Variants in LRRC2 observed in about 807,000 individuals in gnomAD.
LRRC2 encodes leucine rich repeat containing 2, also known as leucine-rich repeat-containing protein 2.
In LRRC2, 27 loss-of-function variants were observed where a neutral mutation model predicts 40.2. That is an observed-to-expected ratio of 0.67 (90% CI 0.49 to 0.93). LRRC2 has a LOEUF of 0.93. LRRC2 is among the 40% of genes least tolerant of loss of function. LRRC2 has a pLI of 0.00. For synonymous variants in LRRC2, 147 were observed against 158.9 expected (o/e 0.92, Z 0.56); for missense variants, 402 against 439.6 (o/e 0.91, Z 0.76).
intron 6 of LRRC2, among the ~76,000 whole-genome samples, chr3:46,529,687 A>C (rs1704124791): frequency 6.6e-6 from 1 of 152,236 alleles, no homozygotes; most frequent in Admixed American, 6.5e-5. Context: ...AGGACAATGA[A>C]GAGGTGTTCA....
Position 46,530,058 on chromosome 3 carries a change from T to G in LRRC2, c.628-8A>C. ...TTGCTTCAAATTACTTAACTAGAAA[T>G]GAATAACAAAATGTTCTAATTACTT... On this transcript the variant is annotated splice_region_variant and splice_polypyrimidine_tract_variant and intron_variant, in intron 5 of 8. Transcript: ENST00000395905. 8 of 1,598,524 alleles carry G rather than the reference T, an allele frequency of 5.0e-6. No homozygotes were observed. In the South Asian group the frequency reaches 8.8e-5, roughly 18 times the overall value.
At chr3:46,564,429 T>G (rs940701719) in intron 1 of LRRC2, among the ~76,000 whole-genome samples, 10 of 148,786 alleles carry the variant, frequency 6.7e-5, no homozygotes, top group African/African-American at 7.6e-5. Context: ...GGAGGGGGGG[T>G]TTTCCGGTCA....
chr3:46,549,800 C>G (rs1250893758), intron 2 of LRRC2, among the ~76,000 whole-genome samples: 1 of 152,220 alleles, frequency 6.6e-6, no homozygotes, highest in Non-Finnish European at 1.5e-5. Context: ...CTCCCCTCCC[C>G]ACTGCCAAGG....
chr3:46,526,667 T>C (rs1879328), intron 7 of LRRC2, among the ~76,000 whole-genome samples: 15,696 of 152,318 alleles, frequency 0.1, 1,186 homozygotes, highest in East Asian at 0.35. Flanking sequence ...TGAACTCTGC[T>C]GATAGTAAGC....
rs1272771562 is a variant in LRRC2, at chr3:46,517,449, T to A, written c.*1565A>T. The A allele has an allele frequency of 6.6e-6, 1 of 152,152 alleles. No homozygotes were observed. Among genetic ancestry groups the A allele is most frequent in the Non-Finnish European group, 1.5e-5 (1 of 68,072 alleles). 9.4% of individuals were successfully genotyped at this position (152,152 alleles called of 1,614,324 possible). A position where few individuals can be genotyped will look rare whatever the true frequency, so the allele number is the denominator to read the frequency against. On this transcript the variant is annotated 3_prime_UTR_variant, in exon 9 of 9. Coordinates refer to ENST00000395905, the MANE Select transcript of LRRC2 (RefSeq NM_024512.5). Reference sequence around the variant, plus strand: ...AAGTGATTTTCCCACCTCAGCCTCCTGAGTAGCTGGGACCACAGGCACATG... The same window carrying A: ...AAGTGATTTTCCCACCTCAGCCTCCAGAGTAGCTGGGACCACAGGCACATG...
At chr3:46,559,180 T>C (rs1292514445) in intron 1 of LRRC2, 1 of 152,232 alleles carries the variant, frequency 6.6e-6, no homozygotes, top group Non-Finnish European at 1.5e-5. Context: ...GCAAAGATCT[T>C]AATTAAGGCT....
chr3:46,540,810 C>T (rs922381279), intron 3 of LRRC2, among the ~76,000 whole-genome samples: 1 of 152,210 alleles, frequency 6.6e-6, no homozygotes, highest in Non-Finnish European at 1.5e-5. Flanking sequence ...CCCGACACCT[C>T]TTGATCTGAA....
At chr3:46,556,576 C>CTTTTTT (rs143635012) in intron 1 of LRRC2, among the ~76,000 whole-genome samples, 4 of 104,768 alleles carry the variant, frequency 3.8e-5, no homozygotes, top group Non-Finnish European at 5.6e-5. Flanking sequence ...GTCATTATTT[C>CTTTTTT]TTTTTTTTTT....
intron 1 of LRRC2, among the ~76,000 whole-genome samples, chr3:46,551,877 T>C (rs1019761589): frequency 1.1e-4 from 16 of 150,652 alleles, no homozygotes; most frequent in African/African-American, 3.6e-4. Flanking sequence ...TAGCTCCAAC[T>C]GCAGCCTCAA....
intron 5 of LRRC2, among the ~76,000 whole-genome samples, chr3:46,532,432 C>A (rs1443940273): frequency 6.6e-6 from 1 of 152,072 alleles, no homozygotes; most frequent in Non-Finnish European, 1.5e-5. Flanking sequence ...TAGTGAAACC[C>A]CACCTCTACT....
chr3:46,529,404 C>T (rs1046415567), intron 6 of LRRC2, among the ~76,000 whole-genome samples: 15 of 152,204 alleles, frequency 9.9e-5, no homozygotes, highest in Admixed American at 9.2e-4. Flanking sequence ...AAGCAAGACC[C>T]TGTCTGAACA....
chr3:46,557,057 C>T (rs1233448018), intron 1 of LRRC2, among the ~76,000 whole-genome samples: 2 of 152,192 alleles, frequency 1.3e-5, no homozygotes, highest in Non-Finnish European at 2.9e-5. Flanking sequence ...CAGTGTCAGG[C>T]CTCTGAGCCC....
At position 46,545,222 on chromosome 3, in the gene LRRC2, A is replaced by T; in HGVS notation, c.157T>A (p.Cys53Ser). 1 of 1,614,132 alleles carries T rather than the reference A, an allele frequency of 6.2e-7. No homozygotes were observed. Among genetic ancestry groups the T allele is most frequent in the Admixed American group, 1.7e-5 (1 of 60,018 alleles). ...GCCTGGGGGATGCCCTTCCTCCTGC[A>T]TTCGGCCACAAAGTTCCACTCCTCC... ...IKEEWNFVAE[C>S]RRKGIPQAVY... The change falls in exon 3 of 9, where the codon TGC (cysteine) becomes AGC (serine). Residue 53 changes from cysteine (C) to serine (S), a missense_variant. Cys to Ser is a moderately radical substitution (Grantham distance 112). Coordinates refer to ENST00000395905, the MANE Select transcript of LRRC2 (RefSeq NM_024512.5).
In LRRC2 at chr3:46,521,604, A is replaced by G; in HGVS notation, c.984T>C (p.Asn328=). 6.2e-7 allele frequency: 1 copy of G among 1,613,104 alleles called. No individual in the cohort carries two copies. Among genetic ancestry groups the G allele is most frequent in the Non-Finnish European group, 8.5e-7 (1 of 1,179,636 alleles). Residue 328 remains asparagine (N), a synonymous_variant, in exon 8 of 9, where the codon AAT becomes AAC. Transcript: ENST00000395905. ...PIDNAQCEDG[N]EIMESERDRQ... is the part of the protein sequence containing the mutation. ...GATCCCGTTCACTTTCCATTATTTC[A>G]TTGCCATCTTCACATTGGGCATTAT...
At chr3:46,560,748 C>T (rs975673468) in intron 1 of LRRC2, among the ~76,000 whole-genome samples, 1 of 152,182 alleles carries the variant, frequency 6.6e-6, no homozygotes, top group African/African-American at 2.4e-5. Flanking sequence ...TCAATTTGGG[C>T]TACACTGTCC....
intron 3 of LRRC2, among the ~76,000 whole-genome samples, chr3:46,542,234 C>T (rs1435481045): frequency 1.3e-5 from 2 of 151,832 alleles, no homozygotes; most frequent in Admixed American, 6.6e-5. Context: ...GCATCCCCCC[C>T]AAAAAAACTA....
intron 2 of LRRC2, 144 bp from the exon 3 acceptor site, chr3:46,545,397 CTG>C: frequency 1.5e-6 from 1 of 679,434 alleles, no homozygotes; most frequent in Admixed American, 2.7e-5. Flanking sequence ...TTCCTCCCTG[CTG>C]TGGGGGTGCA....
intron 2 of LRRC2, among the ~76,000 whole-genome samples, chr3:46,550,824 C>T (rs1704629016): frequency 6.6e-6 from 1 of 152,158 alleles, no homozygotes; most frequent in Non-Finnish European, 1.5e-5. Context: ...TAAACAGCAC[C>T]CCTAATGCAT....
At chr3:46,562,373 C>T (rs144063246) in intron 1 of LRRC2, among the ~76,000 whole-genome samples, 2 of 152,258 alleles carry the variant, frequency 1.3e-5, no homozygotes, top group South Asian at 4.2e-4. Flanking sequence ...CTTCATGAGA[C>T]CCTAAGCCAG....
Sources: gnomAD v4.1 joint callset for allele counts (sites outside exome capture counted in the v4.1 genomes callset) on GRCh38, gnomAD v4.1.1 for gene constraint, MANE v1.5 for transcripts, NCBI Gene and HGNC (gene_info 2026-07-23, HGNC 2026-07-21) for gene names.